Variants in PLXNA2 observed in about 807,000 individuals in gnomAD.
The protein encoded by PLXNA2 is plexin-A2.
In PLXNA2, 91 loss-of-function variants were observed where a neutral mutation model predicts 193.5. The observed-to-expected ratio is 0.47, with a 90% CI of 0.40 to 0.56. The LOEUF (loss-of-function observed/expected upper bound fraction) is 0.56. Among genes scored for constraint, PLXNA2 ranks in the 20% least tolerant of loss-of-function variants. The probability of loss-of-function intolerance (pLI) is 0.00; values close to 1 mark genes in which losing one functional copy is unlikely to be tolerated. For missense variants in PLXNA2, 1,995 were observed against 2,503.2 expected, an observed-to-expected ratio of 0.80 and a Z score of 4.33; for synonymous variants, 997 against 1,027.3, an observed-to-expected ratio of 0.97 and a Z score of 0.56.
intron 12 of PLXNA2, among the ~76,000 whole-genome samples, chr1:208,068,387 T>G (rs1234377904): frequency 2.0e-5 from 3 of 152,200 alleles, no homozygotes; most frequent in African/African-American, 7.2e-5. Context: ...AGCCAATTTC[T>G]GGTTTGATTC....
At chr1:208,231,531 C>T (rs772347570) in intron 1 of PLXNA2, among the ~76,000 whole-genome samples, 1 of 152,208 alleles carries the variant, frequency 6.6e-6, no homozygotes, top group Non-Finnish European at 1.5e-5. Flanking sequence ...TCTGTCTGCT[C>T]TCCTCCCAGA....
chr1:208,051,806 G>A (rs555112755), intron 15 of PLXNA2, among the ~76,000 whole-genome samples: 1 of 152,302 alleles, frequency 6.6e-6, no homozygotes, highest in South Asian at 2.1e-4. Flanking sequence ...TGCCCTTGTG[G>A]AATTTACGGT....
chr1:208,149,183 CAT>C (rs1668681815), intron 3 of PLXNA2, among the ~76,000 whole-genome samples: 1 of 151,292 alleles, frequency 6.6e-6, no homozygotes, highest in Non-Finnish European at 1.5e-5. Context: ...GGTGTGTGTA[CAT>C]ATGTGGTGTG....
intron 29 of PLXNA2, chr1:208,030,098 C>T (rs1021443008): frequency 2.8e-5 from 28 of 985,396 alleles, no homozygotes; most frequent in Non-Finnish European, 3.3e-5. Context: ...TCAAGCCCTT[C>T]CACGATGATT....
At chr1:208,056,406 T>C (rs1026057943) in intron 13 of PLXNA2, among the ~76,000 whole-genome samples, 1 of 152,094 alleles carries the variant, frequency 6.6e-6, no homozygotes, top group African/African-American at 2.4e-5. Context: ...ATCACAGGCT[T>C]GAAGTTAAGG....
chr1:208,028,057 C>G lies in PLXNA2; in HGVS notation c.5541G>C (p.Leu1847=). ...AGGAGTAGATCTCATTGAGGGCACTCAGCATGTTGAACTCCACGGCGTGCA... is the reference window on the plus strand; with the variant it reads ...AGGAGTAGATCTCATTGAGGGCACTGAGCATGTTGAACTCCACGGCGTGCA... ...SRLHAVEFNM[L]SALNEIYSYV... Residue 1847 remains leucine (L), a synonymous_variant, in exon 31 of 32, where the codon CTG becomes CTC. Coordinates refer to ENST00000367033, the MANE Select transcript of PLXNA2 (RefSeq NM_025179.4). The surrounding 1 kb of genome is among the most constrained non-coding windows in gnomAD (Gnocchi z 4.2). 1 of 1,610,476 alleles carries G rather than the reference C, an allele frequency of 6.2e-7. No individual in the cohort carries two copies. The highest frequency in any genetic ancestry group is 2.2e-5 in the East Asian group (1 of 44,542).
In PLXNA2 at chr1:208,210,411, C is replaced by A; in HGVS notation, c.1240G>T (p.Gly414Ter). 6.2e-7 allele frequency: 1 copy of A among 1,613,952 alleles called. No homozygotes were observed. Among genetic ancestry groups the A allele is most frequent in the Non-Finnish European group, 8.5e-7 (1 of 1,179,962 alleles). The change falls in exon 3 of 32, where the codon GGA becomes TGA. Residue 414 changes from glycine (G) to a stop codon, truncating the protein, a stop_gained. Coordinates refer to ENST00000367033, the MANE Select transcript of PLXNA2 (RefSeq NM_025179.4). LOFTEE classifies it high-confidence loss of function. ...FCGLDINQPL[G>*]GSTPVEGLTL... ...AGGCCCTCCACTGGAGTTGAGCCTC[C>A]CAGGGGCTGGTTGATGTCCAGTCCA... is the stretch of plus-strand genomic sequence containing the variant.
intron 18 of PLXNA2, among the ~76,000 whole-genome samples, chr1:208,045,437 G>A (rs76968467): frequency 0.011 from 1,614 of 152,256 alleles, 27 homozygotes; most frequent in East Asian, 0.038. Flanking sequence ...TGGGAAAAAT[G>A]CAGAGGAGAC....
chr1:208,191,291 A>ATGGC (rs1294259670), intron 3 of PLXNA2, among the ~76,000 whole-genome samples: 1 of 152,172 alleles, frequency 6.6e-6, no homozygotes, highest in Non-Finnish European at 1.5e-5. Context: ...GGGCAGAGAG[A>ATGGC]TGGCTCCTGT....
intron 26 of PLXNA2, among the ~76,000 whole-genome samples, chr1:208,037,821 C>T (rs191675063): frequency 1.3e-3 from 198 of 151,992 alleles, no homozygotes; most frequent in Non-Finnish European, 1.8e-3. Flanking sequence ...TACAACTGTA[C>T]GGAGCAGGGT....
At chr1:208,101,163 C>T (rs1273240615) in intron 5 of PLXNA2, among the ~76,000 whole-genome samples, 2 of 152,190 alleles carry the variant, frequency 1.3e-5, no homozygotes, top group East Asian at 1.9e-4. Context: ...TTTATGGCAA[C>T]AGCCCTAACA....
chr1:208,040,389 C>T (rs567204871), intron 22 of PLXNA2: 17 of 282,272 alleles, frequency 6.0e-5, no homozygotes, highest in African/African-American at 2.6e-4. Flanking sequence ...TATAAAGAAC[C>T]GGTTCTCCCA....
intron 4 of PLXNA2, among the ~76,000 whole-genome samples, chr1:208,112,159 C>T (rs1224433975): frequency 2.0e-5 from 3 of 152,084 alleles, no homozygotes; most frequent in Non-Finnish European, 4.4e-5. Flanking sequence ...TTTTCCTCCT[C>T]ATTCATAAAA....
Position 208,044,649 on chromosome 1 carries a change from C to T in PLXNA2, c.3733G>A (p.Gly1245Ser), listed in dbSNP as rs201310196. The T allele has an allele frequency of 5.0e-6, 8 of 1,614,052 alleles. No homozygotes were observed. The highest frequency in any genetic ancestry group is 3.3e-5 in the Admixed American group (2 of 60,010). Reference sequence around the variant, plus strand: ...ACGATGATGAGGAGGAGGCTGCCGCCGGCCGCGATGCTGACGATGGCTGGC... The same window carrying T: ...ACGATGATGAGGAGGAGGCTGCCGCTGGCCGCGATGCTGACGATGGCTGGC... ...TLPAIVSIAAGGSLLLIIVII... is the reference protein window; with the variant it reads ...TLPAIVSIAASGSLLLIIVII... Residue 1245 changes from glycine to serine, a missense_variant, in exon 20 of 32, where the codon GGC becomes AGC. Coordinates refer to ENST00000367033, the MANE Select transcript of PLXNA2 (RefSeq NM_025179.4). The surrounding 1 kb of genome is among the most constrained non-coding windows in gnomAD (Gnocchi z 4.9).
rs1178153141 is a variant in PLXNA2, at chr1:208,075,377, G to A, written c.2586+3883C>T. Among the ~76,000 whole-genome samples, 5 of 151,912 alleles carry A rather than the reference G, an allele frequency of 3.3e-5. No homozygotes were observed. In the South Asian group the frequency reaches 1.0e-3, roughly 32 times the overall value. ...TGCTTTTAGCAAATTACATATTCTT[G>A]CCAAAAACACCATAGAAATGAGGTT... is the stretch of plus-strand genomic sequence containing the variant. On this transcript the variant is annotated intron_variant, in intron 12 of 31. Transcript: ENST00000367033.
rs1266615421 is a variant in PLXNA2 at position 208,046,135 on chromosome 1, C to T, written c.3256-18G>A. ...TTACACACCTAAGAGATCCAGAGCG[C>T]AGCATTCACACACGGAGTGCCTGGC... On this transcript the variant is annotated intron_variant, in intron 17 of 31. Coordinates refer to ENST00000367033, the MANE Select transcript of PLXNA2 (RefSeq NM_025179.4). 1.2e-6 allele frequency: 2 copies of T among 1,608,180 alleles called. No homozygotes were observed. The highest frequency in any genetic ancestry group is 1.7e-5 in the Admixed American group (1 of 59,720).
chr1:208,197,797 C>T (rs1292426637), intron 3 of PLXNA2, among the ~76,000 whole-genome samples: 3 of 152,190 alleles, frequency 2.0e-5, no homozygotes, highest in African/African-American at 7.2e-5. Flanking sequence ...TTGGCTCTGG[C>T]ATATCCTTTC....
At chr1:208,158,890 C>A (rs1669018800) in intron 3 of PLXNA2, among the ~76,000 whole-genome samples, 1 of 152,048 alleles carries the variant, frequency 6.6e-6, no homozygotes, top group Non-Finnish European at 1.5e-5. Context: ...CTTTCAAGAT[C>A]CTCCCTGTGG....
intron 17 of PLXNA2, among the ~76,000 whole-genome samples, chr1:208,047,627 G>T (rs536874287): frequency 6.6e-6 from 1 of 152,242 alleles, no homozygotes; most frequent in Non-Finnish European, 1.5e-5. Context: ...GCAACAGCCA[G>T]GGCATCTCTG....
Sources: gnomAD v4.1 joint callset for allele counts (sites outside exome capture counted in the v4.1 genomes callset) on GRCh38, gnomAD v4.1.1 for gene constraint, Gnocchi (gnomAD v3.1) non-coding constraint, MANE v1.5 for transcripts, NCBI Gene and HGNC (gene_info 2026-07-23, HGNC 2026-07-21) for gene names.